SLC35B4: variants seen among roughly 807,000 people sequenced by gnomAD.
SLC35B4 encodes the protein solute carrier family 35 member B4.
Under a neutral mutation model 39.5 loss-of-function variants are expected in SLC35B4, and 28 were observed. The ratio of observed to expected loss-of-function variants is 0.71; its 90% CI spans 0.53 to 0.97. The LOEUF is 0.97. Among genes scored for constraint, SLC35B4 ranks in the 50% least tolerant of loss-of-function variants. SLC35B4 has a pLI of 0.00. For synonymous variants in SLC35B4, 145 were observed against 150.4 expected (o/e 0.96, Z 0.26); for missense variants, 334 against 414.3 (o/e 0.81, Z 1.68).
At chr7:134,306,621 C>T in intron 3 of SLC35B4, 51 bp downstream of exon 3, 1 of 1,473,418 alleles carries the variant, frequency 6.8e-7, no homozygotes, top group Non-Finnish European at 9.4e-7. Context: ...AATCGATCTA[C>T]TTAACTATAC....
In SLC35B4 at chr7:134,290,772, G is replaced by A. The variant is rs1201793339; in HGVS notation, c.*4061C>T. The A allele has an allele frequency of 2.6e-5, 4 of 152,174 alleles. No homozygotes were observed. Among genetic ancestry groups the A allele is most frequent in the Non-Finnish European group, 4.4e-5 (3 of 68,024 alleles). The allele number at this position is 152,174 out of a possible 1,614,324, so 9.4% of individuals were successfully genotyped here. A position where few individuals can be genotyped will look rare whatever the true frequency, so the allele number is the denominator to read the frequency against. On this transcript the variant is annotated 3_prime_UTR_variant, in exon 10 of 10. Transcript: ENST00000378509. ...GGTAAGATTCAATCACATTTTTCAG[G>A]AGAAAGCTATTGAGACCAATATGCT... is the stretch of plus-strand genomic sequence containing the variant.
chr7:134,300,114 A>G (rs776556599), intron 7 of SLC35B4, 38 bp downstream of exon 7: 1 of 1,376,404 alleles, frequency 7.3e-7, no homozygotes, highest in Non-Finnish European at 1.0e-6. Context: ...TTTACAACTT[A>G]GGAATTTTCA....
chr7:134,311,603 C>T (rs1310248145), intron 1 of SLC35B4, among the ~76,000 whole-genome samples: 4 of 152,216 alleles, frequency 2.6e-5, no homozygotes, highest in South Asian at 2.1e-4. Context: ...TGCAGTGAGC[C>T]GAGATCATGC....
At chr7:134,308,803 C>T (rs563729092) in intron 2 of SLC35B4, among the ~76,000 whole-genome samples, 1 of 152,166 alleles carries the variant, frequency 6.6e-6, no homozygotes, top group African/African-American at 2.4e-5. Context: ...CCCATGAGTA[C>T]AATTATGCAC....
At chr7:134,300,578 A>G (rs994415898) in intron 6 of SLC35B4, among the ~76,000 whole-genome samples, 1 of 152,204 alleles carries the variant, frequency 6.6e-6, no homozygotes, top group African/African-American at 2.4e-5. Flanking sequence ...TTTTTTAAAT[A>G]GAATGCTTTT....
chr7:134,314,392 A>G (rs376032286), intron 1 of SLC35B4, among the ~76,000 whole-genome samples: 62 of 152,328 alleles, frequency 4.1e-4, no homozygotes, highest in African/African-American at 1.4e-3. Context: ...ACAAACTAGT[A>G]AAGAGGGGAT....
rs529390610 is a variant in SLC35B4 at position 134,304,312 on chromosome 7, A to G, written c.344+493T>C. Among the ~76,000 whole-genome samples, 6 of 151,920 alleles carry G rather than the reference A, an allele frequency of 3.9e-5. No homozygotes were observed. The East Asian group carries it at 1.2e-3, about 29-fold the overall frequency. ...AGGCTGAGGTGGGAGGATCACTTGAACCTGGGAGGTGGAGGCTGCAGTGAG... is the reference window on the plus strand; with the variant it reads ...AGGCTGAGGTGGGAGGATCACTTGAGCCTGGGAGGTGGAGGCTGCAGTGAG... On this transcript the variant is annotated intron_variant, in intron 4 of 9. Transcript: ENST00000378509.
upstream of SLC35B4, chr7:134,316,946 G>C: frequency 1.7e-6 from 1 of 590,986 alleles, no homozygotes; most frequent in East Asian, 2.9e-5. Context: ...GTAGTTCGCA[G>C]TCAGCTTCGG....
chr7:134,299,248 A>G, intron 8 of SLC35B4: 1 of 351,900 alleles, frequency 2.8e-6, no homozygotes, highest in Non-Finnish European at 5.3e-6. Context: ...TTGCATTCTC[A>G]AAACATCAAA....
chr7:134,299,464 A>G, intron 8 of SLC35B4, 59 bp downstream of exon 8: 1 of 1,396,282 alleles, frequency 7.2e-7, no homozygotes, highest in Non-Finnish European at 1.0e-6. Context: ...GTCAAGAGTA[A>G]AACTGAGACT....
chr7:134,315,474 C>T (rs893873030), intron 1 of SLC35B4, among the ~76,000 whole-genome samples: 9 of 151,988 alleles, frequency 5.9e-5, no homozygotes, highest in African/African-American at 1.5e-4. Context: ...GATAGTTCAA[C>T]GTATACAAAC....
rs564953202 is a variant in SLC35B4 at position 134,307,508 on chromosome 7, C to A, written c.192-734G>T. ...TATTGGGCCAAACCATATAAAATTG[C>A]CGTTTTTATAGGTCAAAAAGAGTTG... is the stretch of plus-strand genomic sequence containing the variant. On this transcript the variant is annotated intron_variant, in intron 2 of 9. Transcript: ENST00000378509. 5.3e-5 allele frequency among the ~76,000 whole-genome samples: 8 copies of A among 152,240 alleles called. No homozygotes were observed. In the East Asian group the frequency reaches 1.2e-3, roughly 22 times the overall value.
At chr7:134,309,238 CTT>C in intron 2 of SLC35B4, 126 bp downstream of exon 2, 1 of 580,236 alleles carries the variant, frequency 1.7e-6, no homozygotes, top group East Asian at 3.0e-5. Flanking sequence ...CAGAAAATGA[CTT>C]ATTATTCTAC....
intron 9 of SLC35B4, 84 bp downstream of exon 9, chr7:134,296,307 C>T: frequency 8.4e-7 from 1 of 1,195,696 alleles, no homozygotes; most frequent in East Asian, 2.4e-5. Context: ...CAAGTCAACA[C>T]ACTGTTAGAA....
Position 134,302,099 on chromosome 7 carries a change from A to T in SLC35B4, c.356T>A (p.Phe119Tyr). 3.1e-6 allele frequency: 5 copies of T among 1,612,218 alleles called. No individual in the cohort carries two copies. The highest frequency in any genetic ancestry group is 4.2e-6 in the Non-Finnish European group (5 of 1,179,558). ...CACCAGGGCAATGGAGGTATATTTG[A>T]ATATACTGTATCTGCAAAAAAGAAA... ...IIILKKRYSIFKYTSIALVSV... is the reference protein window; with the variant it reads ...IIILKKRYSIYKYTSIALVSV... Residue 119 changes from phenylalanine (F) to tyrosine (Y), a missense_variant, in exon 5 of 10, where the codon TTC (phenylalanine) becomes TAC (tyrosine). Physicochemically the swap from Phe to Tyr is conservative, Grantham distance 22 (BLOSUM62 3). Transcript: ENST00000378509.
At chr7:134,314,710 A>G (rs1028335334) in intron 1 of SLC35B4, among the ~76,000 whole-genome samples, 1 of 151,888 alleles carries the variant, frequency 6.6e-6, no homozygotes, top group Non-Finnish European at 1.5e-5. Context: ...TAATTTTTGT[A>G]TCTTTAGTAG....
intron 1 of SLC35B4, among the ~76,000 whole-genome samples, chr7:134,315,035 T>C (rs1474668467): frequency 6.6e-6 from 1 of 152,148 alleles, no homozygotes; most frequent in Non-Finnish European, 1.5e-5. Context: ...CACACAGAGT[T>C]TACCTTAAGT....
chr7:134,298,221 CT>C (rs2117284181), intron 8 of SLC35B4, among the ~76,000 whole-genome samples: 2 of 152,258 alleles, frequency 1.3e-5, no homozygotes, highest in South Asian at 4.1e-4. Context: ...ATTCTATTAT[CT>C]TTGATATCCT....
intron 1 of SLC35B4, 105 bp downstream of exon 1, chr7:134,316,570 G>A: frequency 8.2e-7 from 1 of 1,215,092 alleles, no homozygotes; most frequent in Non-Finnish European, 1.2e-6. Flanking sequence ...GGCTCCGTGG[G>A]CGGCGGGGTG....
Sources: gnomAD v4.1 joint callset for allele counts (sites outside exome capture counted in the v4.1 genomes callset) on GRCh38, gnomAD v4.1.1 for gene constraint, MANE v1.5 for transcripts, NCBI Gene and HGNC (gene_info 2026-07-23, HGNC 2026-07-21) for gene names.